SLU7: variants seen among roughly 807,000 people sequenced by gnomAD.
The protein encoded by SLU7 is spliceosome associated SLU7.
SLU7 carries 60 observed loss-of-function variants against 87.0 expected under a neutral mutation model. The ratio of observed to expected loss-of-function variants is 0.69; its 90% confidence interval spans 0.56 to 0.86. The LOEUF is 0.86. Among genes scored for constraint, SLU7 ranks in the 40% least tolerant of loss-of-function variants. The probability of loss-of-function intolerance (pLI) is 0.00; values close to 1 mark genes in which losing one functional copy is unlikely to be tolerated. For missense variants in SLU7, 507 were observed against 686.6 expected (o/e 0.74, Z 2.92); for synonymous variants, 197 against 222.0 (o/e 0.89, Z 1.00).
intron 1 of SLU7, among the ~76,000 whole-genome samples, chr5:160,417,928 C>G (rs1765524328): frequency 6.6e-6 from 1 of 152,176 alleles, no homozygotes; most frequent in Admixed American, 6.5e-5. Flanking sequence ...TTACAACTAT[C>G]CCCGCTTCCT....
intron 7 of SLU7, 41 bp from the exon 8 acceptor site, chr5:160,408,501 G>GAAAAGAAAAAA: frequency 6.4e-7 from 1 of 1,569,892 alleles, no homozygotes; most frequent in Non-Finnish European, 8.6e-7. Flanking sequence ...AGAAAAGAAA[G>GAAAAGAAAAAA]CAGCATGTAG....
Position 160,412,522 on chromosome 5 carries a change from T to TGAAAA in SLU7, c.571-4_571-3insTTTTC. The TGAAAA allele has an allele frequency of 1.7e-6, 1 of 587,760 alleles. No homozygotes were observed. Among genetic ancestry groups the TGAAAA allele is most frequent in the Non-Finnish European group, 2.3e-6 (1 of 430,856 alleles). 36.4% of individuals were successfully genotyped at this position (587,760 alleles called of 1,614,324 possible). Reference sequence around the variant, plus strand: ...TGGGCTTTCAATGTTCGTTTTGCCTTTAAAAAAAAAAAAAAGAAAGAAAGA... The same window carrying TGAAAA: ...TGGGCTTTCAATGTTCGTTTTGCCTTGAAAATAAAAAAAAAAAAAAGAAAGAAAGA... On this transcript the variant is annotated splice_polypyrimidine_tract_variant and splice_region_variant and intron_variant, in intron 5 of 15. Transcript: ENST00000297151.
chr5:160,408,219 A>C, intron 8 of SLU7, 110 bp downstream of exon 8: 1 of 1,292,604 alleles, frequency 7.7e-7, no homozygotes, highest in Non-Finnish European at 1.1e-6. Flanking sequence ...ATGAAACCTT[A>C]TCTTAGAATG....
intron 15 of SLU7, among the ~76,000 whole-genome samples, chr5:160,404,033 C>T (rs1015734791): frequency 1.3e-5 from 2 of 152,166 alleles, no homozygotes; most frequent in Non-Finnish European, 2.9e-5. Flanking sequence ...CATTTGGAGA[C>T]AGGACTAGAT....
At chr5:160,405,740 A>G (rs897912161) in intron 12 of SLU7, among the ~76,000 whole-genome samples, 5 of 152,252 alleles carry the variant, frequency 3.3e-5, no homozygotes, top group African/African-American at 1.2e-4. Flanking sequence ...TCCTATTTAT[A>G]AAACATACAG....
chr5:160,415,098 G>A (rs1253419058), intron 2 of SLU7, 27 bp downstream of exon 2: 1 of 1,540,894 alleles, frequency 6.5e-7, no homozygotes, highest in African/African-American at 1.4e-5. Flanking sequence ...CTGAATGAAT[G>A]GATCATACAA....
chr5:160,406,805 T>G (rs903489748), intron 11 of SLU7, among the ~76,000 whole-genome samples, 176 bp from the exon 12 acceptor site: 3 of 152,200 alleles, frequency 2.0e-5, no homozygotes, highest in African/African-American at 7.2e-5. Context: ...ATAGAAGATG[T>G]CTCAGTTGCT....
At chr5:160,405,158 G>A (rs1328119723) in intron 12 of SLU7, 23 bp from the exon 13 acceptor site, 5 of 1,535,080 alleles carry the variant, frequency 3.3e-6, no homozygotes, top group South Asian at 1.1e-5. Context: ...AAATTAAAAA[G>A]CTTAAAAAGG....
intron 1 of SLU7, among the ~76,000 whole-genome samples, chr5:160,416,898 A>G (rs1054568589): frequency 6.6e-6 from 1 of 152,132 alleles, no homozygotes; most frequent in African/African-American, 2.4e-5. Flanking sequence ...GTTGTGGGAG[A>G]GACCGGGTGA....
intron 1 of SLU7, among the ~76,000 whole-genome samples, chr5:160,417,709 C>A (rs1224462304): frequency 6.7e-6 from 1 of 148,392 alleles, no homozygotes; most frequent in African/African-American, 2.5e-5. Context: ...GGAGAATCAC[C>A]TGAACCCAGG....
At chr5:160,415,026 T>C in intron 2 of SLU7, 99 bp downstream of exon 2, 1 of 1,025,452 alleles carries the variant, frequency 9.8e-7, no homozygotes, top group Non-Finnish European at 1.4e-6. Context: ...ATGACATAAA[T>C]GAAGAGAGGT....
In SLU7 at chr5:160,403,006, C is replaced by T. The variant is rs1160106111; in HGVS notation, c.*279G>A. ...CTTCAGCCTGGGCGACAGAGCAAGA[C>T]TCCGTCTCAAAAAAAAAAATAAATA... is the stretch of plus-strand genomic sequence containing the variant. On this transcript the variant is annotated 3_prime_UTR_variant, in exon 16 of 16. Transcript: ENST00000297151. The T allele has an allele frequency of 5.5e-6, 1 of 182,162 alleles. No homozygotes were observed. The allele number at this position is 182,162 out of a possible 1,614,324, so 11.3% of individuals were successfully genotyped here.
At position 160,407,992 on chromosome 5, in the gene SLU7, T is replaced by C. The variant is rs1280444206; in HGVS notation, c.896A>G (p.Asn299Ser). The C allele has an allele frequency of 6.2e-7, 1 of 1,612,436 alleles. No individual in the cohort carries two copies. Residue 299 changes from asparagine to serine, a missense_variant, in exon 9 of 16, where the codon AAT (asparagine) becomes AGT (serine). This residue lies in a region of SLU7 where 49 missense variants were observed against 144.1 expected (regional missense o/e 0.34). Coordinates refer to ENST00000297151, the MANE Select transcript of SLU7 (RefSeq NM_006425.5). This position sits in a 1 kb window ranked among gnomAD's most constrained non-coding sequence, Gnocchi z 4.2. ...TTACTCATCTGGATTCTTTCCTGCATTGGCATAAGGATTCTCTCTCATTGC... is the reference window on the plus strand; with the variant it reads ...TTACTCATCTGGATTCTTTCCTGCACTGGCATAAGGATTCTCTCTCATTGC... ...TRAMRENPYA[N>S]AGKNPDEVSY... is the part of the protein sequence containing the mutation.
chr5:160,403,427 T>A lies in SLU7; in HGVS notation c.1619A>T (p.Lys540Met). ...CCTCTCATCAATCTGCATGGTCTCC[T>A]TGACATGAAGAAGGCGGGCCTCCTC... is the stretch of plus-strand genomic sequence containing the variant. ...NAEEARLLHVKETMQIDERKR... is the reference protein window; with the variant it reads ...NAEEARLLHVMETMQIDERKR... The change falls in exon 16 of 16, where the codon AAG becomes ATG. Residue 540 changes from lysine to methionine, a missense_variant. This residue lies in a region of SLU7 where 201 missense variants were observed against 213.4 expected (regional missense o/e 0.94). Coordinates refer to ENST00000297151, the MANE Select transcript of SLU7 (RefSeq NM_006425.5). The A allele has an allele frequency of 6.2e-7, 1 of 1,612,164 alleles. No homozygotes were observed.
chr5:160,414,458 TG>T lies in SLU7; in HGVS notation c.184del (p.His62IlefsTer21). The T allele has an allele frequency of 6.4e-7, 1 of 1,550,412 alleles. No homozygotes were observed. Among genetic ancestry groups the T allele is most frequent in the Non-Finnish European group, 8.7e-7 (1 of 1,153,230 alleles). On this transcript the variant is annotated frameshift_variant, in exon 3 of 16. Transcript: ENST00000297151. LOFTEE classifies it high-confidence loss of function. ...CACTGAAGAAATATACTGAGGAATA[TG>T]GGGGTTGATGTCTCTGTAATTAAAG... is the stretch of plus-strand genomic sequence containing the variant. ...VDEEGKDINP[H>X]IPQYISSVPW... is the part of the protein sequence containing the mutation.
At chr5:160,410,669 A>G (rs1765194165) in intron 6 of SLU7, among the ~76,000 whole-genome samples, 2 of 152,266 alleles carry the variant, frequency 1.3e-5, no homozygotes, top group Admixed American at 1.3e-4. Flanking sequence ...CGTTTACAAC[A>G]AACAACAGAG....
chr5:160,404,741 C>A, intron 14 of SLU7, 68 bp downstream of exon 14: 2 of 1,081,796 alleles, frequency 1.8e-6, no homozygotes, highest in Non-Finnish European at 2.8e-6. Flanking sequence ...AAAAAAAAAA[C>A]TCAGGTGCAG....
At chr5:160,413,866 A>C in intron 4 of SLU7, 33 bp downstream of exon 4, 1 of 1,432,472 alleles carries the variant, frequency 7.0e-7, no homozygotes, top group Admixed American at 2.1e-5. Flanking sequence ...AGACTCTGAC[A>C]ACGGTTTTCA....
In SLU7 at chr5:160,413,566, G is replaced by T; in HGVS notation, c.460C>A (p.His154Asn). 1.2e-6 allele frequency: 2 copies of T among 1,613,908 alleles called. No individual in the cohort carries two copies. Among genetic ancestry groups the T allele is most frequent in the Non-Finnish European group, 1.7e-6 (2 of 1,179,850 alleles). The change falls in exon 5 of 16, where the codon CAT (histidine) becomes AAT (asparagine). Residue 154 changes from histidine to asparagine, a missense_variant. His to Asn is a moderately conservative substitution (Grantham distance 68). Transcript: ENST00000297151. The part of the protein sequence containing the change: ...FTGTNIAPDE[H>N]VQPQLMFDYD... Reference sequence around the variant, plus strand: ...TCAAACATCAGTTGAGGCTGGACATGTTCATCTGGAGCTATATTAGTACCT... The same window carrying T: ...TCAAACATCAGTTGAGGCTGGACATTTTCATCTGGAGCTATATTAGTACCT...
Sources: gnomAD v4.1 joint callset for allele counts (sites outside exome capture counted in the v4.1 genomes callset) on GRCh38, gnomAD v4.1.1 for gene constraint, gnomAD v4.1.1 regional missense constraint, Gnocchi (gnomAD v3.1) non-coding constraint, MANE v1.5 for transcripts, NCBI Gene and HGNC (gene_info 2026-07-23, HGNC 2026-07-21) for gene names.